Variants in SGCZ observed in about 807,000 individuals in gnomAD.
SGCZ encodes the protein zeta-sarcoglycan.
Under a neutral mutation model 41.3 loss-of-function variants are expected in SGCZ, and 40 were observed. That is an observed-to-expected ratio of 0.97 (90% CI 0.75 to 1.26). The LOEUF (loss-of-function observed/expected upper bound fraction) is 1.26. Among genes scored for constraint, SGCZ ranks in the 50% most tolerant of loss-of-function variants. The probability of loss-of-function intolerance (pLI) is 0.00; values close to 1 mark genes in which losing one functional copy is unlikely to be tolerated. For missense variants in SGCZ, 552 were observed against 369.8 expected, an observed-to-expected ratio of 1.49 and a Z score of -4.04; for synonymous variants, 206 against 137.5, an observed-to-expected ratio of 1.50 and a Z score of -3.49.
intron 1 of SGCZ, among the ~76,000 whole-genome samples, chr8:15,015,556 A>G (rs1043333740): frequency 5.9e-5 from 9 of 151,332 alleles, no homozygotes; most frequent in Non-Finnish European, 7.4e-5. Flanking sequence ...GTGTGATGGC[A>G]GGCACCTGTA....
chr8:14,854,117 CAG>C (rs1011648988), intron 1 of SGCZ, among the ~76,000 whole-genome samples: 2 of 147,290 alleles, frequency 1.4e-5, no homozygotes, highest in East Asian at 2.0e-4. Context: ...TCTCCTTGCA[CAG>C]AGTCACAAAA....
At chr8:14,948,109 T>C (rs1800512804) in intron 1 of SGCZ, among the ~76,000 whole-genome samples, 1 of 152,220 alleles carries the variant, frequency 6.6e-6, no homozygotes, top group Non-Finnish European at 1.5e-5. Context: ...AGACTGGTAC[T>C]ATTCTTTTCT....
intron 4 of SGCZ, among the ~76,000 whole-genome samples, chr8:14,199,360 A>C (rs1156992099): frequency 1.3e-5 from 2 of 152,148 alleles, no homozygotes; most frequent in Non-Finnish European, 2.9e-5. Flanking sequence ...TCTGCTCTCA[A>C]ATTCTGTCTC....
intron 1 of SGCZ, among the ~76,000 whole-genome samples, chr8:14,959,557 G>T (rs1266362574): frequency 6.6e-6 from 1 of 152,084 alleles, no homozygotes; most frequent in African/African-American, 2.4e-5. Flanking sequence ...AATAGCTAAT[G>T]CAGAATATCT....
chr8:14,297,212 T>G (rs184240632), intron 3 of SGCZ, among the ~76,000 whole-genome samples: 56 of 152,192 alleles, frequency 3.7e-4, no homozygotes, highest in Non-Finnish European at 7.2e-4. Context: ...CCTGAGCCAC[T>G]GCACTCGGCC....
At chr8:14,835,712 G>A (rs1802678579) in intron 1 of SGCZ, among the ~76,000 whole-genome samples, 1 of 152,196 alleles carries the variant, frequency 6.6e-6, no homozygotes, top group Admixed American at 6.5e-5. Flanking sequence ...CCTAACAACA[G>A]AAGCACAGTG....
intron 1 of SGCZ, among the ~76,000 whole-genome samples, chr8:14,585,730 C>T (rs1351079289): frequency 1.3e-5 from 2 of 152,032 alleles, no homozygotes; most frequent in African/African-American, 4.8e-5. Context: ...TTTCTTAATA[C>T]ATTTAATACT....
intron 5 of SGCZ, among the ~76,000 whole-genome samples, chr8:14,120,631 T>C (rs1164915543): frequency 6.6e-6 from 1 of 152,004 alleles, no homozygotes; most frequent in East Asian, 1.9e-4. Context: ...ACATAAAATA[T>C]GGTTTTCTAT....
chr8:14,164,675 T>C lies in SGCZ; in HGVS notation c.452A>G (p.Lys151Arg). Reference protein sequence around the residue: ...IGADAVEAQCKRFEVRASEDG... With the variant: ...IGADAVEAQCRRFEVRASEDG... Reference sequence around the variant, plus strand: ...TTCACTGGCTCTCACTTCAAATCTTTTACACTGAGCTTCCACAGCATCAGC... The same window carrying C: ...TTCACTGGCTCTCACTTCAAATCTTCTACACTGAGCTTCCACAGCATCAGC... Residue 151 changes from lysine (K) to arginine (R), a missense_variant, in exon 5 of 8, where the codon AAA becomes AGA. By Grantham distance (26) the Lys-to-Arg change is conservative. Transcript: ENST00000382080. The C allele has an allele frequency of 2.5e-6, 4 of 1,613,576 alleles. No homozygotes were observed.
At chr8:15,115,736 G>A (rs1391612543) in intron 1 of SGCZ, among the ~76,000 whole-genome samples, 1 of 152,166 alleles carries the variant, frequency 6.6e-6, no homozygotes, top group Non-Finnish European at 1.5e-5. Flanking sequence ...CATTGCTATT[G>A]AATACTTTTT....
intron 2 of SGCZ, among the ~76,000 whole-genome samples, chr8:14,449,922 C>T (rs1190064922): frequency 1.3e-5 from 2 of 151,812 alleles, no homozygotes; most frequent in Admixed American, 1.3e-4. Flanking sequence ...ACATCATGTA[C>T]AAAACTTAAC....
At chr8:14,676,808 C>A (rs10099551) in intron 1 of SGCZ, among the ~76,000 whole-genome samples, 2 of 151,928 alleles carry the variant, frequency 1.3e-5, no homozygotes, top group Non-Finnish European at 2.9e-5. Flanking sequence ...AGAAATAAAG[C>A]GTATTTTCTA....
At chr8:14,819,602 G>A (rs1802013658) in intron 1 of SGCZ, among the ~76,000 whole-genome samples, 2 of 152,060 alleles carry the variant, frequency 1.3e-5, no homozygotes, top group South Asian at 4.1e-4. Context: ...TGAAGTAATG[G>A]TGCAGTGTAA....
chr8:14,996,438 G>A (rs1162329396), intron 1 of SGCZ, among the ~76,000 whole-genome samples: 1 of 152,080 alleles, frequency 6.6e-6, no homozygotes, highest in Non-Finnish European at 1.5e-5. Flanking sequence ...GTCCCTCCCT[G>A]TCCCCCAGGC....
At chr8:14,111,566 A>G (rs1404423793) in intron 5 of SGCZ, among the ~76,000 whole-genome samples, 1 of 152,198 alleles carries the variant, frequency 6.6e-6, no homozygotes, top group African/African-American at 2.4e-5. Context: ...GGGGCTGTTC[A>G]AAAGGGTACA....
intron 1 of SGCZ, among the ~76,000 whole-genome samples, chr8:15,174,508 T>C (rs1396342650): frequency 1.3e-5 from 2 of 152,160 alleles, no homozygotes; most frequent in Non-Finnish European, 2.9e-5. Context: ...AATACAAAAG[T>C]ATACTTTATG....
chr8:14,696,891 C>G (rs1177808638), intron 1 of SGCZ, among the ~76,000 whole-genome samples: 1 of 151,594 alleles, frequency 6.6e-6, no homozygotes, highest in Non-Finnish European at 1.5e-5. Context: ...GTCCAGAAGG[C>G]AAGAAGAGGC....
At chr8:14,228,137 G>T (rs1421456789) in intron 4 of SGCZ, among the ~76,000 whole-genome samples, 1 of 151,974 alleles carries the variant, frequency 6.6e-6, no homozygotes, top group Non-Finnish European at 1.5e-5. Flanking sequence ...TGAACATTAT[G>T]CCCCATTAAC....
intron 2 of SGCZ, among the ~76,000 whole-genome samples, chr8:14,388,047 CT>C (rs1204489529): frequency 6.6e-6 from 1 of 151,890 alleles, no homozygotes; most frequent in Non-Finnish European, 1.5e-5. Flanking sequence ...GCAGTATGGT[CT>C]TTAGTAGGAG....
Sources: gnomAD v4.1 joint callset for allele counts (sites outside exome capture counted in the v4.1 genomes callset) on GRCh38, gnomAD v4.1.1 for gene constraint, MANE v1.5 for transcripts, NCBI Gene and HGNC (gene_info 2026-07-23, HGNC 2026-07-21) for gene names.